Variants in SCUBE3 observed in about 807,000 individuals in gnomAD.
SCUBE3 encodes signal peptide, CUB domain and EGF like domain containing 3.
SCUBE3 carries 33 observed loss-of-function variants against 116.8 expected under a neutral mutation model. The ratio of observed to expected loss-of-function variants is 0.28; its 90% confidence interval spans 0.21 to 0.38. SCUBE3 has a LOEUF of 0.38. Ranked by LOEUF, SCUBE3 falls within the 10% of genes least tolerant of loss-of-function variation. The pLI, the probability that SCUBE3 is intolerant of heterozygous loss-of-function variation, is 1.00. For missense variants in SCUBE3, 1,007 were observed against 1,324.8 expected, an observed-to-expected ratio of 0.76 and a Z score of 3.72; for synonymous variants, 418 against 496.9, an observed-to-expected ratio of 0.84 and a Z score of 2.11.
At position 35,214,653 on chromosome 6, in the gene SCUBE3, C is replaced by T. The variant is rs904063330; in HGVS notation, c.85+150C>T. The T allele has an allele frequency of 1.3e-5, 6 of 462,164 alleles. No individual in the cohort carries two copies. Among genetic ancestry groups the T allele is most frequent in the Non-Finnish European group, 2.1e-5 (6 of 280,650 alleles). The allele number at this position is 462,164 out of a possible 1,614,324, so 28.6% of individuals were successfully genotyped here. On this transcript the variant is annotated intron_variant, in intron 1 of 21. Transcript: ENST00000274938. The surrounding 1 kb of genome is among the most constrained non-coding windows in gnomAD (Gnocchi z 6.3). The stretch of plus-strand genomic sequence containing the variant: ...CACCCGGACTCCCCGGCCAGGGGCC[C>T]GACCGCTGGGCGCTGCGCCCCGAGC...
At position 35,245,971 on chromosome 6, in the gene SCUBE3, A is replaced by T; in HGVS notation, c.2627A>T (p.Glu876Val). Residue 876 changes from glutamate (E) to valine (V), a missense_variant, in exon 20 of 22, where the codon GAG becomes GTG. Coordinates refer to ENST00000274938, the MANE Select transcript of SCUBE3 (RefSeq NM_152753.4). The surrounding 1 kb of genome is among the most constrained non-coding windows in gnomAD (Gnocchi z 4.2). ...NSSPSSITTY[E>V]TCQTYERPIA... Reference sequence around the variant, plus strand: ...TCCCCATCCTCCATTACCACTTATGAGACCTGCCAGACCTACGAGCGTCCC... The same window carrying T: ...TCCCCATCCTCCATTACCACTTATGTGACCTGCCAGACCTACGAGCGTCCC... The T allele has an allele frequency of 2.5e-6, 4 of 1,614,174 alleles. No individual in the cohort carries two copies. Among genetic ancestry groups the T allele is most frequent in the Non-Finnish European group, 3.4e-6 (4 of 1,180,024 alleles).
At position 35,251,975 on chromosome 6, in the gene SCUBE3, C is replaced by A. The variant is rs1029589564; in HGVS notation, c.*3270C>A. 6 of 152,262 alleles carry A rather than the reference C, an allele frequency of 3.9e-5. No homozygotes were observed. Among genetic ancestry groups the A allele is most frequent in the Non-Finnish European group, 8.8e-5 (6 of 68,082 alleles). 9.4% of individuals were successfully genotyped at this position (152,262 alleles called of 1,614,324 possible). ...ATCCCTTCATGAAGCAACCCAGAGGCCTCTCTGCAGCGTGTAGGGTGTGGG... is the reference window on the plus strand; with the variant it reads ...ATCCCTTCATGAAGCAACCCAGAGGACTCTCTGCAGCGTGTAGGGTGTGGG... On this transcript the variant is annotated 3_prime_UTR_variant, in exon 22 of 22. Coordinates refer to ENST00000274938, the MANE Select transcript of SCUBE3 (RefSeq NM_152753.4).
rs1783526148 is a variant in SCUBE3, at chr6:35,231,012, C to T, written c.335-713C>T. On this transcript the variant is annotated intron_variant, in intron 3 of 21. Coordinates refer to ENST00000274938, the MANE Select transcript of SCUBE3 (RefSeq NM_152753.4). This position sits in a 1 kb window ranked among gnomAD's most constrained non-coding sequence, Gnocchi z 4.2. ...TTGGGGGTGAGAGCCTACTGTTCTC[C>T]CTGCCCCCCACCCCCACCATCTAGG... Among the ~76,000 whole-genome samples the T allele has an allele frequency of 6.6e-6, 1 of 152,102 alleles. No homozygotes were observed. The highest frequency in any genetic ancestry group is 2.4e-5 in the African/African-American group (1 of 41,396).
At chr6:35,227,900 C>G (rs1783392895) in intron 2 of SCUBE3, among the ~76,000 whole-genome samples, 198 bp downstream of exon 2, 1 of 152,274 alleles carries the variant, frequency 6.6e-6, no homozygotes, top group Middle Eastern at 3.4e-3. Flanking sequence ...ACCATGCAGG[C>G]TAGCAGAGGC....
Position 35,242,648 on chromosome 6 carries a change from G to A in SCUBE3, c.1561G>A (p.Val521Ile). Residue 521 changes from valine to isoleucine, a missense_variant, in exon 14 of 22, where the codon GTC (valine) becomes ATC (isoleucine). Physicochemically the swap from Val to Ile is conservative, Grantham distance 29. Transcript: ENST00000274938. ...TGGTGCCCCCTGCTCTGAATGCCAG[G>A]TCACCTTCATCCACCTTAAGTGTGA... The part of the protein sequence containing the change: ...PGGAPCSECQ[V>I]TFIHLKCDSS... 1 of 1,613,096 alleles carries A rather than the reference G, an allele frequency of 6.2e-7. No individual in the cohort carries two copies. The highest frequency in any genetic ancestry group is 8.5e-7 in the Non-Finnish European group (1 of 1,179,172).
chr6:35,233,235 G>C lies in SCUBE3; in HGVS notation c.646G>C (p.Glu216Gln). 3 of 1,613,928 alleles carry C rather than the reference G, an allele frequency of 1.9e-6. No homozygotes were observed. Among genetic ancestry groups the C allele is most frequent in the Non-Finnish European group, 2.5e-6 (3 of 1,179,916 alleles). ...CTGCCAGCACACGTGTGATGACACA[G>C]AGCAGGGTCCCCGGTGCGGCTGCCA... ...GGCQHTCDDT[E>Q]QGPRCGCHIK... The change falls in exon 6 of 22, where the codon GAG becomes CAG. Residue 216 changes from glutamate to glutamine, a missense_variant. By Grantham distance (29) the Glu-to-Gln change is conservative. Around this residue, in one of 5 missense-constraint regions of SCUBE3, gnomAD observed 214 missense variants for 316.7 expected, o/e 0.68. Transcript: ENST00000274938. The surrounding 1 kb of genome is among the most constrained non-coding windows in gnomAD (Gnocchi z 5.7).
At position 35,244,850 on chromosome 6, in the gene SCUBE3, G is replaced by C. The variant is rs774384395; in HGVS notation, c.2401+39G>C. 1 of 1,602,656 alleles carries C rather than the reference G, an allele frequency of 6.2e-7. No homozygotes were observed. The highest frequency in any genetic ancestry group is 1.3e-5 in the African/African-American group (1 of 74,700). ...CAGGCTGTGCAAAAGGGAGGAGAGA[G>C]GCCTGGGAGCAGTGGACATCTAAAG... On this transcript the variant is annotated intron_variant, in intron 18 of 21. Coordinates refer to ENST00000274938, the MANE Select transcript of SCUBE3 (RefSeq NM_152753.4). This position sits in a 1 kb window ranked among gnomAD's most constrained non-coding sequence, Gnocchi z 4.3.
In SCUBE3 at chr6:35,233,353, G is replaced by C; in HGVS notation, c.712+52G>C. ...TCCACCTGAGATGGGGTGGGGGTGG[G>C]ACCCTTTGGGAACCAGGGAAGTGGA... On this transcript the variant is annotated intron_variant, in intron 6 of 21. Coordinates refer to ENST00000274938, the MANE Select transcript of SCUBE3 (RefSeq NM_152753.4). The surrounding 1 kb of genome is among the most constrained non-coding windows in gnomAD (Gnocchi z 5.7). 2.1e-5 allele frequency: 22 copies of C among 1,026,270 alleles called. No individual in the cohort carries two copies. The highest frequency in any genetic ancestry group is 2.6e-5 in the Non-Finnish European group (17 of 649,786). 63.6% of individuals were successfully genotyped at this position (1,026,270 alleles called of 1,614,324 possible).
rs1387280609 is a variant in SCUBE3, at chr6:35,251,533, CCTTCAGGGTCTGG to C, written c.*2833_*2845del. On this transcript the variant is annotated 3_prime_UTR_variant, in exon 22 of 22. Coordinates refer to ENST00000274938, the MANE Select transcript of SCUBE3 (RefSeq NM_152753.4). ...CGGTGACCATGCTTCTTAATTTATG[CCTTCAGGGTCTGG>C]CTTCTCCTTTCTCCCTTCCTTTCCT... 2.0e-5 allele frequency: 3 copies of C among 152,314 alleles called. No homozygotes were observed. The highest frequency in any genetic ancestry group is 7.2e-5 in the African/African-American group (3 of 41,458). 9.4% of individuals were successfully genotyped at this position (152,314 alleles called of 1,614,324 possible). A position where few individuals can be genotyped will look rare whatever the true frequency, so the allele number is the denominator to read the frequency against.
rs1783744059 is a variant in SCUBE3, at chr6:35,235,767, A to C, written c.713-2135A>C. Among the ~76,000 whole-genome samples, 1 of 150,260 alleles carries C rather than the reference A, an allele frequency of 6.7e-6. No individual in the cohort carries two copies. The highest frequency in any genetic ancestry group is 2.5e-5 in the African/African-American group (1 of 40,720). The stretch of plus-strand genomic sequence containing the variant: ...TCTTCTGCTGTCTCCTCCCACACCC[A>C]CCTTCTAACACCCCACCCCACTCCC... On this transcript the variant is annotated intron_variant, in intron 6 of 21. Transcript: ENST00000274938. This position sits in a 1 kb window ranked among gnomAD's most constrained non-coding sequence, Gnocchi z 4.5.
Position 35,245,293 on chromosome 6 carries a change from A to G in SCUBE3, c.2467A>G (p.Asn823Asp). ...GYIESPNYPG[N>D]YPAGVECIWN... ...TATTGAGTCCCCCAACTACCCGGGC[A>G]ACTACCCAGCTGGTGTGGAGTGCAT... is the stretch of plus-strand genomic sequence containing the variant. Residue 823 changes from asparagine (N) to aspartate (D), a missense_variant, in exon 19 of 22, where the codon AAC (asparagine) becomes GAC (aspartate). Transcript: ENST00000274938. The surrounding 1 kb of genome is among the most constrained non-coding windows in gnomAD (Gnocchi z 4.2). The G allele has an allele frequency of 6.2e-7, 1 of 1,614,142 alleles. No homozygotes were observed. The highest frequency in any genetic ancestry group is 8.5e-7 in the Non-Finnish European group (1 of 1,180,014).
rs1783987463 is a variant in SCUBE3 at position 35,240,481 on chromosome 6, C to T, written c.1060C>T (p.His354Tyr). 1 of 1,583,596 alleles carries T rather than the reference C, an allele frequency of 6.3e-7. No homozygotes were observed. Reference sequence around the variant, plus strand: ...TGGCTACCTGTTGTATGGTATCACCCACTGTGGGGGTAAGCTAGTAAGCTT... The same window carrying T: ...TGGCTACCTGTTGTATGGTATCACCTACTGTGGGGGTAAGCTAGTAAGCTT... ...HRGYLLYGIT[H>Y]CGDVDECSIN... Residue 354 changes from histidine to tyrosine, a missense_variant, in exon 9 of 22, where the codon CAC becomes TAC. By Grantham distance (83) the His-to-Tyr change is moderately conservative. This residue lies in a region of SCUBE3 where 214 missense variants were observed against 316.7 expected (regional missense o/e 0.68). Transcript: ENST00000274938. The surrounding 1 kb of genome is among the most constrained non-coding windows in gnomAD (Gnocchi z 4.6).
Position 35,242,617 on chromosome 6 carries a change from C to T in SCUBE3, c.1535-5C>T. 1.2e-6 allele frequency: 2 copies of T among 1,606,096 alleles called. No homozygotes were observed. The highest frequency in any genetic ancestry group is 1.7e-6 in the Non-Finnish European group (2 of 1,173,458). The stretch of plus-strand genomic sequence containing the variant: ...TCCCTGGGGTTGACAAGCCCTCTCT[C>T]CCAGGTGGTGCCCCCTGCTCTGAAT... On this transcript the variant is annotated splice_polypyrimidine_tract_variant and splice_region_variant and intron_variant, in intron 13 of 21. Coordinates refer to ENST00000274938, the MANE Select transcript of SCUBE3 (RefSeq NM_152753.4).
In SCUBE3 at chr6:35,244,373, A is replaced by G. The variant is rs1784238151; in HGVS notation, c.2239+243A>G. 6.6e-6 allele frequency among the ~76,000 whole-genome samples: 1 copy of G among 152,114 alleles called. No homozygotes were observed. Among genetic ancestry groups the G allele is most frequent in the Admixed American group, 6.5e-5 (1 of 15,270 alleles). On this transcript the variant is annotated intron_variant, in intron 17 of 21. Coordinates refer to ENST00000274938, the MANE Select transcript of SCUBE3 (RefSeq NM_152753.4). This position sits in a 1 kb window ranked among gnomAD's most constrained non-coding sequence, Gnocchi z 4.3. Reference sequence around the variant, plus strand: ...CCCTCCACTTTGGAGAACTGGTGGCATATTCTCCTCCATATCCCAAATGAG... The same window carrying G: ...CCCTCCACTTTGGAGAACTGGTGGCGTATTCTCCTCCATATCCCAAATGAG...
Position 35,231,773 on chromosome 6 carries a change from T to G in SCUBE3, c.383T>G (p.Val128Gly). Reference sequence around the variant, plus strand: ...AACGGCGGCTGTCAGCAGAGCTGTGTCAACATGATGGGCAGCTATGAGTGC... The same window carrying G: ...AACGGCGGCTGTCAGCAGAGCTGTGGCAACATGATGGGCAGCTATGAGTGC... ...EGNGGCQQSC[V>G]NMMGSYECHC... Residue 128 changes from valine to glycine, a missense_variant, in exon 4 of 22, where the codon GTC (valine) becomes GGC (glycine). Physicochemically the swap from Val to Gly is moderately radical, Grantham distance 109 (BLOSUM62 -3). Around this residue, in one of 5 missense-constraint regions of SCUBE3, gnomAD observed 214 missense variants for 316.7 expected, o/e 0.68. Coordinates refer to ENST00000274938, the MANE Select transcript of SCUBE3 (RefSeq NM_152753.4). This position sits in a 1 kb window ranked among gnomAD's most constrained non-coding sequence, Gnocchi z 4.2. 6.2e-7 allele frequency: 1 copy of G among 1,613,674 alleles called. No individual in the cohort carries two copies. Among genetic ancestry groups the G allele is most frequent in the Non-Finnish European group, 8.5e-7 (1 of 1,179,686 alleles).
chr6:35,218,182 A>C, intron 1 of SCUBE3: 1 of 983,408 alleles, frequency 1.0e-6, no homozygotes, highest in Non-Finnish European at 1.2e-6. Flanking sequence ...CTGTTGTAAG[A>C]GGAGCCGGCC....
chr6:35,246,696 C>A (rs1444891473), intron 21 of SCUBE3, among the ~76,000 whole-genome samples: 1 of 152,256 alleles, frequency 6.6e-6, no homozygotes, highest in Non-Finnish European at 1.5e-5. Flanking sequence ...AGCAGATAGG[C>A]TGCGTGTGGT....
chr6:35,241,816 T>C lies in SCUBE3; in HGVS notation c.1323T>C (p.Asn441=), dbSNP rs777555892. 1.1e-5 allele frequency: 17 copies of C among 1,613,088 alleles called. No homozygotes were observed. Among genetic ancestry groups the C allele is most frequent in the Non-Finnish European group, 1.4e-5 (16 of 1,179,504 alleles). The change falls in exon 12 of 22, where the codon AAT becomes AAC. Residue 441 remains asparagine, a synonymous_variant. Transcript: ENST00000274938. This position sits in a 1 kb window ranked among gnomAD's most constrained non-coding sequence, Gnocchi z 4.1. ...GGCTCCTTTTCTCAGAGTCTGAGAA[T>C]GGCTTCACGGTGAGCTGTGGGACCC... is the stretch of plus-strand genomic sequence containing the variant. ...SRARFLPESE[N]GFTVSCGTPS...
At position 35,248,774 on chromosome 6, in the gene SCUBE3, C is replaced by T. The variant is rs1784451444; in HGVS notation, c.*69C>T. The T allele has an allele frequency of 7.6e-7, 1 of 1,311,358 alleles. No homozygotes were observed. The highest frequency in any genetic ancestry group is 1.5e-5 in the African/African-American group (1 of 67,662). 81.2% of individuals were successfully genotyped at this position (1,311,358 alleles called of 1,614,324 possible). A position where few individuals can be genotyped will look rare whatever the true frequency, so the allele number is the denominator to read the frequency against. ...CTTAGCCCTCAGAGCCGGCAGCCCC[C>T]TACCCTCAGACAAGGAACTCTCTCC... On this transcript the variant is annotated 3_prime_UTR_variant, in exon 22 of 22. Transcript: ENST00000274938.
Sources: allele counts gnomAD v4.1 joint callset (sites outside exome capture counted in the v4.1 genomes callset), GRCh38; gene constraint gnomAD v4.1.1; regional missense constraint gnomAD v4.1.1; non-coding constraint Gnocchi (gnomAD v3.1); transcripts MANE v1.5; gene names NCBI Gene and HGNC (gene_info 2026-07-23, HGNC 2026-07-21).